Variants in ASH2L observed in about 807,000 individuals in gnomAD.
ASH2L encodes the protein set1/Ash2 histone methyltransferase complex subunit ASH2.
In ASH2L, 30 loss-of-function variants were observed where a neutral mutation model predicts 81.1. That is an observed-to-expected ratio of 0.37 (90% CI 0.28 to 0.50). ASH2L has a LOEUF of 0.50. Among genes scored for constraint, ASH2L ranks in the 20% least tolerant of loss-of-function variants. The pLI, the probability that ASH2L is intolerant of heterozygous loss-of-function variation, is 0.95. For missense variants in ASH2L, 559 were observed against 792.1 expected, an observed-to-expected ratio of 0.71 and a Z score of 3.53; for synonymous variants, 273 against 279.9, an observed-to-expected ratio of 0.98 and a Z score of 0.24.
At position 38,105,695 on chromosome 8, in the gene ASH2L, G is replaced by A; in HGVS notation, c.145G>A (p.Ala49Thr). The change falls in exon 1 of 16, where the codon GCT becomes ACT. Residue 49 changes from alanine (A) to threonine (T), a missense_variant. Physicochemically the swap from Ala to Thr is moderately conservative, Grantham distance 58. Coordinates refer to ENST00000343823, the MANE Select transcript of ASH2L (RefSeq NM_004674.5). ...CGCTCCTCCTGGAGAGGGGATCTCT[G>A]CTGCTCCGACAGTTGAGCCCAGTTC... Reference protein sequence around the residue: ...AAAPPGEGISAAPTVEPSSGE... With the variant: ...AAAPPGEGISTAPTVEPSSGE... 2 of 1,567,380 alleles carry A rather than the reference G, an allele frequency of 1.3e-6. No individual in the cohort carries two copies. The highest frequency in any genetic ancestry group is 1.2e-5 in the South Asian group (1 of 85,774).
chr8:38,125,589 CAA>C (rs1467727460), intron 10 of ASH2L, among the ~76,000 whole-genome samples: 2 of 140,430 alleles, frequency 1.4e-5, no homozygotes, highest in African/African-American at 2.7e-5. Context: ...GCCTGGGCGA[CAA>C]GAGTGAAACT....
chr8:38,116,297 C>T (rs992832306), intron 7 of ASH2L, among the ~76,000 whole-genome samples: 4 of 152,032 alleles, frequency 2.6e-5, no homozygotes, highest in Non-Finnish European at 5.9e-5. Flanking sequence ...ACCTGGTAGG[C>T]AGAGGTTGCA....
At chr8:38,126,728 C>T (rs1801858945) in intron 10 of ASH2L, among the ~76,000 whole-genome samples, 1 of 151,412 alleles carries the variant, frequency 6.6e-6, no homozygotes, top group Non-Finnish European at 1.5e-5. Context: ...GTGGCGGGCA[C>T]CTGTAATCCC....
At chr8:38,119,730 G>A (rs1343014103) in intron 9 of ASH2L, among the ~76,000 whole-genome samples, 6 of 150,842 alleles carry the variant, frequency 4.0e-5, no homozygotes, top group Non-Finnish European at 7.4e-5. Context: ...GCTTGAACCT[G>A]GGAGGCGGGT....
intron 3 of ASH2L, among the ~76,000 whole-genome samples, chr8:38,109,855 C>A (rs1351575828): frequency 6.6e-6 from 1 of 152,170 alleles, no homozygotes; most frequent in African/African-American, 2.4e-5. Context: ...GCTAGCCTGG[C>A]ATATTCTTTT....
At chr8:38,126,986 G>A (rs138134996) in intron 10 of ASH2L, among the ~76,000 whole-genome samples, 127 of 152,054 alleles carry the variant, frequency 8.4e-4, no homozygotes, top group Admixed American at 3.5e-3. Flanking sequence ...ACCAGCCTGG[G>A]CAACTTGTTC....
At chr8:38,120,492 G>A (rs1390126918) in intron 9 of ASH2L, among the ~76,000 whole-genome samples, 1 of 151,920 alleles carries the variant, frequency 6.6e-6, no homozygotes, top group Non-Finnish European at 1.5e-5. Context: ...TCGGCTCACT[G>A]CACAAGTTAT....
chr8:38,125,752 A>G (rs959951344), intron 10 of ASH2L, among the ~76,000 whole-genome samples: 4 of 152,318 alleles, frequency 2.6e-5, no homozygotes, highest in East Asian at 1.9e-4. Flanking sequence ...CAAAAGGAAA[A>G]TTGTCATTTA....
At chr8:38,125,229 C>T (rs1275385508) in intron 10 of ASH2L, among the ~76,000 whole-genome samples, 1 of 152,076 alleles carries the variant, frequency 6.6e-6, no homozygotes, top group Admixed American at 6.6e-5. Context: ...AAGATTTTGC[C>T]ATGTTTGCTT....
intron 8 of ASH2L, 39 bp from the exon 9 acceptor site, chr8:38,119,231 C>A: frequency 6.5e-7 from 1 of 1,531,796 alleles, no homozygotes; most frequent in South Asian, 1.2e-5. Context: ...TGGTGTTTCC[C>A]TTGTGGCTCA....
In ASH2L at chr8:38,138,967, A is replaced by G; in HGVS notation, c.1783A>G (p.Ser595Gly). ...PPKDLTYRPM[S>G]DMGWGAVVEH... ...CTGTTTCTCATTCCTCCTGCAGATG[A>G]GTGACATGGGCTGGGGCGCCGTGGT... Residue 595 changes from serine (S) to glycine (G), a missense_variant, in exon 16 of 16, where the codon AGT becomes GGT. Physicochemically the swap from Ser to Gly is moderately conservative, Grantham distance 56. Transcript: ENST00000343823. The G allele has an allele frequency of 2.5e-6, 4 of 1,613,832 alleles. No individual in the cohort carries two copies. Among genetic ancestry groups the G allele is most frequent in the Non-Finnish European group, 3.4e-6 (4 of 1,179,814 alleles).
rs111669795 is a variant in ASH2L, at chr8:38,110,137, T to C, written c.402-242T>C. Among the ~76,000 whole-genome samples the C allele has an allele frequency of 6.0e-3, 909 of 152,308 alleles. 9 individuals carry two copies. The highest frequency in any genetic ancestry group is 0.021 in the African/African-American group (865 of 41,574). On this transcript the variant is annotated intron_variant, in intron 3 of 15. Coordinates refer to ENST00000343823, the MANE Select transcript of ASH2L (RefSeq NM_004674.5). ...CAGCCTGTGCAGCATGGCGAAACCC[T>C]GACTCCATAAAAAAATACGAAAATT...
At chr8:38,115,533 G>A (rs1408679886) in intron 7 of ASH2L, among the ~76,000 whole-genome samples, 3 of 152,284 alleles carry the variant, frequency 2.0e-5, no homozygotes, top group East Asian at 3.9e-4. Flanking sequence ...CCGGTGCAGT[G>A]GCTCATGCCT....
At chr8:38,135,922 G>C (rs1279644872) in intron 14 of ASH2L, among the ~76,000 whole-genome samples, 156 bp downstream of exon 14, 1 of 152,026 alleles carries the variant, frequency 6.6e-6, no homozygotes, top group Non-Finnish European at 1.5e-5. Context: ...GAAACAGTTT[G>C]GGCATCTTAG....
rs139839963 is a variant in ASH2L at position 38,135,196 on chromosome 8, A to G, written c.1621-472A>G. ...GTGCAATGAATAATAAAATATAGAA[A>G]TGTTTGGTATATGTAGCACAGGAAT... is the stretch of plus-strand genomic sequence containing the variant. On this transcript the variant is annotated intron_variant, in intron 13 of 15. Coordinates refer to ENST00000343823, the MANE Select transcript of ASH2L (RefSeq NM_004674.5). Among the ~76,000 whole-genome samples the G allele has an allele frequency of 2.0e-5, 3 of 152,316 alleles. No homozygotes were observed. In the East Asian group the frequency reaches 5.8e-4, roughly 29 times the overall value.
intron 5 of ASH2L, among the ~76,000 whole-genome samples, chr8:38,111,394 T>G (rs1810674346): frequency 7.1e-6 from 1 of 141,002 alleles, no homozygotes; most frequent in Admixed American, 7.1e-5. Context: ...TGGCCTCTTT[T>G]TAGTTTATTT....
intron 6 of ASH2L, among the ~76,000 whole-genome samples, 159 bp downstream of exon 6, chr8:38,114,446 C>T (rs1200956182): frequency 6.6e-6 from 1 of 152,162 alleles, no homozygotes; most frequent in Non-Finnish European, 1.5e-5. Context: ...TAGTAGTTTT[C>T]ACACACAGAA....
chr8:38,114,793 CT>C, intron 6 of ASH2L, 111 bp from the exon 7 acceptor site: 5 of 666,342 alleles, frequency 7.5e-6, no homozygotes, highest in South Asian at 4.2e-5. Flanking sequence ...ACGATACTAT[CT>C]TTTTTGGACA....
intron 12 of ASH2L, among the ~76,000 whole-genome samples, chr8:38,131,886 GC>G (rs1802073259): frequency 6.7e-6 from 1 of 148,618 alleles, no homozygotes; most frequent in East Asian, 2.0e-4. Flanking sequence ...TCATTCTGTC[GC>G]CCAGGCTGGA....
Sources: allele counts gnomAD v4.1 joint callset (sites outside exome capture counted in the v4.1 genomes callset), GRCh38; gene constraint gnomAD v4.1.1; transcripts MANE v1.5; gene names NCBI Gene and HGNC (gene_info 2026-07-23, HGNC 2026-07-21).